The following PLEKHA4 variants were observed in gnomAD, a reference collection of about 807,000 sequenced individuals.
PLEKHA4 encodes the protein pleckstrin homology domain-containing family A member 4.
A neutral mutation model predicts 94.7 loss-of-function variants in PLEKHA4; 73 were observed. The ratio of observed to expected loss-of-function variants is 0.77; its 90% confidence interval spans 0.64 to 0.94. PLEKHA4 has a LOEUF of 0.94. Ranked by LOEUF, PLEKHA4 falls within the 40% of genes least tolerant of loss-of-function variation. PLEKHA4 has a pLI of 0.00. For missense variants in PLEKHA4, 1,049 were observed against 1,054.1 expected, an observed-to-expected ratio of 1.00 and a Z score of 0.07; for synonymous variants, 449 against 437.1, an observed-to-expected ratio of 1.03 and a Z score of -0.34.
rs112889572 is a variant in PLEKHA4 at position 48,857,645 on chromosome 19, T to C, written c.973-149A>G. ...ACCCTGTGCTCTCTGAAACATGTGC[T>C]GTGTCCACTCAGGGTTAAATGGATT... On this transcript the variant is annotated intron_variant, in intron 8 of 19. Coordinates refer to ENST00000263265, the MANE Select transcript of PLEKHA4 (RefSeq NM_020904.3). The C allele has an allele frequency of 4.4e-4, 268 of 608,314 alleles. 3 individuals are homozygous for C. The African/African-American group carries it at 4.8e-3, about 11-fold the overall frequency. 37.7% of individuals were successfully genotyped at this position (608,314 alleles called of 1,614,324 possible). A position where few individuals can be genotyped will look rare whatever the true frequency, so the allele number is the denominator to read the frequency against.
chr19:48,858,084 C>T (rs1365188020), intron 8 of PLEKHA4, among the ~76,000 whole-genome samples: 1 of 152,016 alleles, frequency 6.6e-6, no homozygotes, highest in Non-Finnish European at 1.5e-5. Context: ...ACTGTGGGGA[C>T]ACAGAGGGTG....
chr19:48,867,721 A>G lies in PLEKHA4; in HGVS notation c.-6-95T>C. 8.4e-7 allele frequency: 1 copy of G among 1,192,312 alleles called. No homozygotes were observed. The highest frequency in any genetic ancestry group is 1.2e-6 in the Non-Finnish European group (1 of 838,084). 73.9% of individuals were successfully genotyped at this position (1,192,312 alleles called of 1,614,324 possible). A position where few individuals can be genotyped will look rare whatever the true frequency, so the allele number is the denominator to read the frequency against. On this transcript the variant is annotated intron_variant, in intron 1 of 19. Transcript: ENST00000263265. The surrounding 1 kb of genome is among the most constrained non-coding windows in gnomAD (Gnocchi z 4.7). ...TTGGAGGTCGGAGGAGGCTGCAGAG[A>G]AAGAGCCTGTTGTTTCGGGACTTGG... is the stretch of plus-strand genomic sequence containing the variant.
intron 14 of PLEKHA4, among the ~76,000 whole-genome samples, chr19:48,847,532 G>A (rs1373063224): frequency 1.3e-5 from 2 of 152,140 alleles, no homozygotes; most frequent in Non-Finnish European, 2.9e-5. Context: ...AGGAGTACAT[G>A]ACCAGCCTGG....
intron 16 of PLEKHA4, among the ~76,000 whole-genome samples, chr19:48,844,801 TG>T (rs2122939247): frequency 7.4e-6 from 1 of 135,352 alleles, no homozygotes; most frequent in Admixed American, 7.6e-5. Context: ...CCACTCAGGG[TG>T]TCTTTTTTTT....
At chr19:48,842,051 C>A (rs2035787479) in intron 16 of PLEKHA4, among the ~76,000 whole-genome samples, 1 of 152,088 alleles carries the variant, frequency 6.6e-6, no homozygotes, top group Non-Finnish European at 1.5e-5. Flanking sequence ...CCAGTCCCTG[C>A]AGTTTCCTCT....
At chr19:48,842,143 CTTTTTTT>C (rs398059794) in intron 16 of PLEKHA4, among the ~76,000 whole-genome samples, 1 of 121,444 alleles carries the variant, frequency 8.2e-6, no homozygotes, top group Non-Finnish European at 1.7e-5. Context: ...AATTTATTTT[CTTTTTTT>C]TTTTTTTTTT....
At chr19:48,849,557 C>T (rs2036101898) in intron 13 of PLEKHA4, among the ~76,000 whole-genome samples, 1 of 152,190 alleles carries the variant, frequency 6.6e-6, no homozygotes, top group Non-Finnish European at 1.5e-5. Flanking sequence ...GATCCACCTG[C>T]CTTGGCCTCC....
Position 48,837,261 on chromosome 19 carries a change from C to T in PLEKHA4, c.*28G>A, listed in dbSNP as rs1381631234. On this transcript the variant is annotated 3_prime_UTR_variant, in exon 20 of 20. Coordinates refer to ENST00000263265, the MANE Select transcript of PLEKHA4 (RefSeq NM_020904.3). The surrounding 1 kb of genome is among the most constrained non-coding windows in gnomAD (Gnocchi z 4.3). ...GGTACCTCCAGACCACGTCCTCGCG[C>T]TCCGATTGGCTGCCGCTTTTGGGCG... is the stretch of plus-strand genomic sequence containing the variant. 6.2e-7 allele frequency: 1 copy of T among 1,614,008 alleles called. No individual in the cohort carries two copies. The highest frequency in any genetic ancestry group is 1.7e-5 in the Admixed American group (1 of 60,006).
intron 8 of PLEKHA4, among the ~76,000 whole-genome samples, chr19:48,858,627 CAAAAA>C (rs56663437): frequency 1.6e-5 from 1 of 63,470 alleles, no homozygotes; most frequent in Non-Finnish European, 2.7e-5. Context: ...ACCTCAGTCT[CAAAAA>C]AAAAAAAAAA....
Position 48,867,258 on chromosome 19 carries a change from G to A in PLEKHA4, c.84+279C>T, listed in dbSNP as rs547686591. 1.9e-4 allele frequency among the ~76,000 whole-genome samples: 28 copies of A among 151,210 alleles called. 1 individual carries two copies. In the South Asian group the frequency reaches 2.3e-3, roughly 12 times the overall value. ...GAGCAGCCACTACTTCTCAGAACTC[G>A]AGGGGCCTCATGGCTGGGGAGCGGC... is the stretch of plus-strand genomic sequence containing the variant. On this transcript the variant is annotated intron_variant, in intron 2 of 19. Transcript: ENST00000263265. This position sits in a 1 kb window ranked among gnomAD's most constrained non-coding sequence, Gnocchi z 4.7.
chr19:48,839,965 G>C (rs1373416492), intron 17 of PLEKHA4, among the ~76,000 whole-genome samples: 1 of 151,624 alleles, frequency 6.6e-6, no homozygotes, highest in Non-Finnish European at 1.5e-5. Flanking sequence ...AAAATTAGCA[G>C]GGTGTGGTGG....
At position 48,861,402 on chromosome 19, in the gene PLEKHA4, G is replaced by A. The variant is rs749909949; in HGVS notation, c.365C>T (p.Thr122Ile). ...CACAACATGGATGGATGGACTCACGGTGAAGGTGAAGCGCCGCCCTCGGGG... is the reference window on the plus strand; with the variant it reads ...CACAACATGGATGGATGGACTCACGATGAAGGTGAAGCGCCGCCCTCGGGG... ...GAPRGRRFTF[T>I]AEHPGMRTYV... The change falls in exon 5 of 20, where the codon ACC (threonine) becomes ATC (isoleucine). Residue 122 changes from threonine to isoleucine, a missense_variant and splice_region_variant. Physicochemically the swap from Thr to Ile is moderately conservative, Grantham distance 89. Coordinates refer to ENST00000263265, the MANE Select transcript of PLEKHA4 (RefSeq NM_020904.3). 1.9e-5 allele frequency: 31 copies of A among 1,612,654 alleles called. 1 individual carries two copies. The highest frequency in any genetic ancestry group is 2.6e-5 in the Non-Finnish European group (31 of 1,179,420).
At chr19:48,857,299 T>C in intron 9 of PLEKHA4, 123 bp downstream of exon 9, 1 of 569,396 alleles carries the variant, frequency 1.8e-6, no homozygotes, top group South Asian at 2.4e-5. Context: ...ATCTAATACC[T>C]ACCCAGGGTC....
At chr19:48,840,775 C>A (rs1319141928) in intron 17 of PLEKHA4, among the ~76,000 whole-genome samples, 1 of 152,150 alleles carries the variant, frequency 6.6e-6, no homozygotes, top group Non-Finnish European at 1.5e-5. Context: ...CTGAGACACT[C>A]TGATGTTCAG....
intron 17 of PLEKHA4, among the ~76,000 whole-genome samples, chr19:48,839,566 A>G (rs1235801553): frequency 6.6e-6 from 1 of 152,000 alleles, no homozygotes; most frequent in Admixed American, 6.6e-5. Context: ...GGCTCGCACC[A>G]CCATGCCTGG....
chr19:48,854,017 T>C lies in PLEKHA4; in HGVS notation c.1166A>G (p.Gln389Arg), dbSNP rs776192500. The change falls in exon 11 of 20, where the codon CAG (glutamine) becomes CGG (arginine). Residue 389 changes from glutamine (Q) to arginine (R), a missense_variant. Gln to Arg is a conservative substitution (Grantham distance 43). Transcript: ENST00000263265. The part of the protein sequence containing the change: ...RRLQEEIDQK[Q>R]EEKEQLEAAL... ...CCCAGGGCCCCGCACCTTCTCCTCC[T>C]GCTTCTGGTCTATCTCCTCCTGCAG... is the stretch of plus-strand genomic sequence containing the variant. 6.2e-7 allele frequency: 1 copy of C among 1,614,152 alleles called. No homozygotes were observed. The highest frequency in any genetic ancestry group is 1.3e-5 in the African/African-American group (1 of 75,070).
At chr19:48,866,904 C>A (rs1465923864) in intron 2 of PLEKHA4, among the ~76,000 whole-genome samples, 1 of 152,110 alleles carries the variant, frequency 6.6e-6, no homozygotes, top group African/African-American at 2.4e-5. Flanking sequence ...CCATCCTGCC[C>A]GGATGGAGCC....
rs3786735 is a variant in PLEKHA4, at chr19:48,845,027, C to A, written c.1743+343G>T. 3.1e-3 allele frequency: 539 copies of A among 171,198 alleles called. 19 individuals carry two copies. In the East Asian group the frequency reaches 0.073, roughly 23 times the overall value. The allele number at this position is 171,198 out of a possible 1,614,324, so 10.6% of individuals were successfully genotyped here. A position where few individuals can be genotyped will look rare whatever the true frequency, so the allele number is the denominator to read the frequency against. ...ACGGGGTTTCACCATGTTAGCCAGG[C>A]TGGTCTGGAACTCCTGACAAAGTGC... On this transcript the variant is annotated intron_variant, in intron 16 of 19. Coordinates refer to ENST00000263265, the MANE Select transcript of PLEKHA4 (RefSeq NM_020904.3).
chr19:48,848,660 G>A (rs1266302860), intron 13 of PLEKHA4, among the ~76,000 whole-genome samples: 1 of 149,772 alleles, frequency 6.7e-6, no homozygotes, highest in South Asian at 2.1e-4. Flanking sequence ...AGCCGGGGGT[G>A]GTGGTGCATG....
Sources: gnomAD v4.1 joint callset for allele counts (sites outside exome capture counted in the v4.1 genomes callset) on GRCh38, gnomAD v4.1.1 for gene constraint, Gnocchi (gnomAD v3.1) non-coding constraint, MANE v1.5 for transcripts, NCBI Gene and HGNC (gene_info 2026-07-23, HGNC 2026-07-21) for gene names.